TASOR: variants seen among roughly 807,000 people sequenced by gnomAD.
TASOR encodes transcription activation suppressor.
In TASOR, 53 loss-of-function variants were observed where a neutral mutation model predicts 178.6. The observed-to-expected ratio is 0.30, with a 90% confidence interval of 0.24 to 0.37. The LOEUF (loss-of-function observed/expected upper bound fraction) is 0.37, where lower values mean the gene tolerates loss of function less well. Among genes scored for constraint, TASOR ranks in the 10% least tolerant of loss-of-function variants. TASOR has a pLI of 1.00. For missense variants in TASOR, 1,815 were observed against 1,971.4 expected (o/e 0.92, Z 1.50); for synonymous variants, 713 against 696.2 (o/e 1.02, Z -0.38).
intron 18 of TASOR, among the ~76,000 whole-genome samples, chr3:56,631,584 G>GTTT (rs932459148): frequency 0.069 from 7,817 of 113,008 alleles, 280 homozygotes; most frequent in East Asian, 0.1. Context: ...GTGTTTTTTT[G>GTTT]TTTTTTTTTT....
chr3:56,620,381 G>GTGAC lies in TASOR; in HGVS notation c.*2652_*2655dup, dbSNP rs1464833317. On this transcript the variant is annotated 3_prime_UTR_variant, in exon 24 of 24. Transcript: ENST00000683822. ...ATACTACTTTTTCTCCCAAACTATT[G>GTGAC]TGACTTCTTTTTGCTCTCTGATTAA... 5 of 152,886 alleles carry GTGAC rather than the reference G, an allele frequency of 3.3e-5. No individual in the cohort carries two copies. Among genetic ancestry groups the GTGAC allele is most frequent in the African/African-American group, 9.7e-5 (4 of 41,432 alleles). 9.5% of individuals were successfully genotyped at this position (152,886 alleles called of 1,614,324 possible).
chr3:56,673,471 T>C (rs904215811), intron 2 of TASOR, 109 bp downstream of exon 2: 8 of 786,786 alleles, frequency 1.0e-5, no homozygotes, highest in East Asian at 3.3e-5. Flanking sequence ...TGTTTTCCCT[T>C]TGTAATTTGG....
At chr3:56,670,011 C>A in intron 4 of TASOR, 62 bp downstream of exon 4, 1 of 1,135,274 alleles carries the variant, frequency 8.8e-7, no homozygotes, top group East Asian at 2.6e-5. Flanking sequence ...AATTACGAGA[C>A]AATGTATTTT....
chr3:56,679,272 G>A (rs1372471893), intron 1 of TASOR, among the ~76,000 whole-genome samples: 1 of 152,114 alleles, frequency 6.6e-6, no homozygotes, highest in Admixed American at 6.5e-5. Context: ...AATACTTTAG[G>A]AGTGGGTACT....
intron 3 of TASOR, among the ~76,000 whole-genome samples, chr3:56,670,642 G>A (rs1486343949): frequency 6.6e-6 from 1 of 152,052 alleles, no homozygotes; most frequent in East Asian, 1.9e-4. Flanking sequence ...TCGATTAAAA[G>A]GGGAAAAAAC....
Position 56,633,818 on chromosome 3 carries a change from A to C in TASOR, c.2973T>G (p.Asp991Glu). ...CCTCCACCTGACCTGTCAACACGTC[A>C]TCCTCAGTGGTGCCCTTTAGTGTGT... Reference protein sequence around the residue: ...FTDTLKGTTEDDVLTGQVEEQ... With the variant: ...FTDTLKGTTEEDVLTGQVEEQ... Residue 991 changes from aspartate to glutamate, a missense_variant, in exon 18 of 24, where the codon GAT (aspartate) becomes GAG (glutamate). By Grantham distance (45) the Asp-to-Glu change is conservative. Coordinates refer to ENST00000683822, the MANE Select transcript of TASOR (RefSeq NM_001365635.2). 1 of 1,614,152 alleles carries C rather than the reference A, an allele frequency of 6.2e-7. No homozygotes were observed. Among genetic ancestry groups the C allele is most frequent in the African/African-American group, 1.3e-5 (1 of 75,032 alleles).
chr3:56,649,151 A>G, intron 11 of TASOR, 94 bp from the exon 12 acceptor site: 1 of 855,502 alleles, frequency 1.2e-6, no homozygotes, highest in African/African-American at 1.7e-5. Flanking sequence ...GTAAAGAAAA[A>G]AAGTTCTTAA....
chr3:56,641,586 G>A lies in TASOR; in HGVS notation c.2382C>T (p.Asn794=). 1 of 1,614,162 alleles carries A rather than the reference G, an allele frequency of 6.2e-7. No individual in the cohort carries two copies. The highest frequency in any genetic ancestry group is 8.5e-7 in the Non-Finnish European group (1 of 1,180,036). Residue 794 remains asparagine (N), a synonymous_variant, in exon 15 of 24, where the codon AAC becomes AAT. Coordinates refer to ENST00000683822, the MANE Select transcript of TASOR (RefSeq NM_001365635.2). ...CATCAGTGCTCAATCCTAAGGCTTT[G>A]TTGACTGTGTCTGTCAGAGATGCAT... is the stretch of plus-strand genomic sequence containing the variant. ...HSDASLTDTV[N]KALGLSTDDA...
At chr3:56,624,381 A>G (rs539285615) in intron 23 of TASOR, 98 bp downstream of exon 23, 38 of 1,194,820 alleles carry the variant, frequency 3.2e-5, no homozygotes, top group Non-Finnish European at 4.1e-5. Flanking sequence ...ATACTGAGGT[A>G]CGTGGTTTCA....
chr3:56,642,448 T>C (rs908939418), intron 14 of TASOR, among the ~76,000 whole-genome samples: 3 of 152,224 alleles, frequency 2.0e-5, no homozygotes, highest in Non-Finnish European at 4.4e-5. Context: ...CAGAAAGTCA[T>C]GTGCTTTAAT....
At chr3:56,658,946 CTG>C (rs58622702) in intron 11 of TASOR, among the ~76,000 whole-genome samples, 2,332 of 147,444 alleles carry the variant, frequency 0.016, 16 homozygotes, top group African/African-American at 0.027. Context: ...GAGAGAGAGA[CTG>C]TGTGTGTGTG....
At chr3:56,644,900 T>C (rs2077204064) in intron 14 of TASOR, among the ~76,000 whole-genome samples, 1 of 152,252 alleles carries the variant, frequency 6.6e-6, no homozygotes, top group Non-Finnish European at 1.5e-5. Flanking sequence ...AAATGTATTT[T>C]AATTTCATTT....
At position 56,648,892 on chromosome 3, in the gene TASOR, T is replaced by C. The variant is rs1476845745; in HGVS notation, c.1443A>G (p.Glu481=). ...GGACTCGAGACTTGGCAGTCTGATA[T>C]TCTAAAAAACAGAAGCCAAACTCAT... ...LSPYQMVPPY[E]YQTAKSRVLH... The change falls in exon 13 of 24, where the codon GAA becomes GAG. Residue 481 remains glutamate, a splice_region_variant and synonymous_variant. Transcript: ENST00000683822. The C allele has an allele frequency of 1.9e-6, 3 of 1,611,196 alleles. No individual in the cohort carries two copies. The highest frequency in any genetic ancestry group is 1.7e-5 in the Admixed American group (1 of 59,724).
intron 15 of TASOR, 24 bp from the exon 16 acceptor site, chr3:56,640,154 A>C (rs1464241908): frequency 6.3e-7 from 1 of 1,597,736 alleles, no homozygotes. Context: ...TACACACTGA[A>C]TAGCTTTATT....
At chr3:56,661,811 T>C (rs1480878393) in intron 9 of TASOR, among the ~76,000 whole-genome samples, 2 of 152,150 alleles carry the variant, frequency 1.3e-5, no homozygotes, top group Admixed American at 6.6e-5. Flanking sequence ...AAAAATTATA[T>C]TTCAGACTTA....
chr3:56,630,684 A>G (rs2076890936), intron 18 of TASOR, among the ~76,000 whole-genome samples: 1 of 152,062 alleles, frequency 6.6e-6, no homozygotes, highest in Admixed American at 6.6e-5. Context: ...TCTCTACTAA[A>G]AATACAAAAA....
At position 56,646,685 on chromosome 3, in the gene TASOR, C is replaced by T. The variant is rs201558291; in HGVS notation, c.2052G>A (p.Leu684=). Reference sequence around the variant, plus strand: ...TTTTCCTACACTGAATTAAATTAATCAATTCTTTGACTCTATCCTTATCAT... The same window carrying T: ...TTTTCCTACACTGAATTAAATTAATTAATTCTTTGACTCTATCCTTATCAT... ...LDYDKDRVKE[L]INLIQCRKKS... The change falls in exon 14 of 24, where the codon TTG becomes TTA. Residue 684 remains leucine (L), a synonymous_variant. Coordinates refer to ENST00000683822, the MANE Select transcript of TASOR (RefSeq NM_001365635.2). 40 of 1,613,808 alleles carry T rather than the reference C, an allele frequency of 2.5e-5. No homozygotes were observed. The highest frequency in any genetic ancestry group is 3.2e-5 in the Non-Finnish European group (38 of 1,179,986).
intron 12 of TASOR, 25 bp from the exon 13 acceptor site, chr3:56,648,918 T>TA (rs776497821): frequency 1.2e-6 from 2 of 1,606,226 alleles, no homozygotes; most frequent in Non-Finnish European, 1.7e-6. Flanking sequence ...CCAAACTCAT[T>TA]AGCAATGTGT....
At chr3:56,627,500 G>T in intron 20 of TASOR, 82 bp downstream of exon 20, 1 of 1,435,272 alleles carries the variant, frequency 7.0e-7, no homozygotes, top group Non-Finnish European at 9.7e-7. Flanking sequence ...AGTTATCTGT[G>T]AATGGCAGAA....
Sources: gnomAD v4.1 joint callset for allele counts (sites outside exome capture counted in the v4.1 genomes callset) on GRCh38, gnomAD v4.1.1 for gene constraint, MANE v1.5 for transcripts, NCBI Gene and HGNC (gene_info 2026-07-23, HGNC 2026-07-21) for gene names.